The following SLC9A2 variants were observed in gnomAD, a reference collection of about 807,000 sequenced individuals.
SLC9A2 encodes solute carrier family 9 member A2.
Under a neutral mutation model 71.7 loss-of-function variants are expected in SLC9A2, and 42 were observed. The observed-to-expected ratio is 0.59, with a 90% CI of 0.46 to 0.76. The LOEUF is 0.76. Ranked by LOEUF, SLC9A2 falls within the 30% of genes least tolerant of loss-of-function variation. SLC9A2 has a pLI of 0.00. For synonymous variants in SLC9A2, 396 were observed against 392.5 expected, an observed-to-expected ratio of 1.01 and a Z score of -0.10; for missense variants, 829 against 1,017.4, an observed-to-expected ratio of 0.81 and a Z score of 2.52.
chr2:102,662,425 C>G (rs761550091), intron 2 of SLC9A2, among the ~76,000 whole-genome samples: 2 of 152,106 alleles, frequency 1.3e-5, no homozygotes, highest in Non-Finnish European at 2.9e-5. Context: ...CAGCTCTGTG[C>G]TAAAGGAATT....
intron 1 of SLC9A2, among the ~76,000 whole-genome samples, chr2:102,621,352 G>GGAAAA (rs1553422435): frequency 9.1e-6 from 1 of 109,536 alleles, no homozygotes; most frequent in African/African-American, 3.5e-5. Context: ...TTGTCTCAGG[G>GGAAAA]AAAAAAAAAA....
At chr2:102,648,558 C>G (rs1412716149) in intron 1 of SLC9A2, among the ~76,000 whole-genome samples, 1 of 152,196 alleles carries the variant, frequency 6.6e-6, no homozygotes, top group East Asian at 1.9e-4. Context: ...CAAATTGTCT[C>G]TGTTTGCAGA....
chr2:102,671,420 C>T (rs1169166157), intron 3 of SLC9A2, among the ~76,000 whole-genome samples: 1 of 152,022 alleles, frequency 6.6e-6, no homozygotes, highest in Admixed American at 6.6e-5. Flanking sequence ...AAAAACAAAG[C>T]ATATACCCCT....
At chr2:102,695,659 C>A (rs1364573153) in intron 7 of SLC9A2, among the ~76,000 whole-genome samples, 2 of 150,416 alleles carry the variant, frequency 1.3e-5, no homozygotes, top group East Asian at 3.9e-4. Context: ...AAAACTAGGG[C>A]TTCCATTACT....
In SLC9A2 at chr2:102,666,269, C is replaced by A. The variant is rs958881151; in HGVS notation, c.1004+919C>A. Among the ~76,000 whole-genome samples the A allele has an allele frequency of 1.8e-3, 261 of 147,412 alleles. 2 individuals carry two copies. Among genetic ancestry groups the A allele is most frequent in the African/African-American group, 6.4e-3 (255 of 39,902 alleles). ...TGAGTGCAGCGGCGTGATCTCGGCT[C>A]ACTGCAAGCTCCGCCTCCCGGGTTC... On this transcript the variant is annotated intron_variant, in intron 3 of 11. Coordinates refer to ENST00000233969, the MANE Select transcript of SLC9A2 (RefSeq NM_003048.6).
chr2:102,619,676 A>C lies in SLC9A2; in HGVS notation c.-173A>C. ...CTCGCCAGGCAGTGCGCCTGCTCGC[A>C]GCGAGGACCTAGCCCTCTGGTTGCA... On this transcript the variant is annotated 5_prime_UTR_variant, in exon 1 of 12. Coordinates refer to ENST00000233969, the MANE Select transcript of SLC9A2 (RefSeq NM_003048.6). This position sits in a 1 kb window ranked among gnomAD's most constrained non-coding sequence, Gnocchi z 4.3. The C allele has an allele frequency of 4.0e-6, 2 of 503,510 alleles. No homozygotes were observed. Among genetic ancestry groups the C allele is most frequent in the Non-Finnish European group, 6.6e-6 (2 of 302,076 alleles). 31.2% of individuals were successfully genotyped at this position (503,510 alleles called of 1,614,324 possible). A position where few individuals can be genotyped will look rare whatever the true frequency, so the allele number is the denominator to read the frequency against.
chr2:102,642,946 G>T (rs565987551), intron 1 of SLC9A2, among the ~76,000 whole-genome samples: 3 of 152,328 alleles, frequency 2.0e-5, no homozygotes, highest in African/African-American at 7.2e-5. Context: ...GGTTGTTGCA[G>T]TTGGTGTTTT....
At chr2:102,669,941 C>G (rs1335608860) in intron 3 of SLC9A2, among the ~76,000 whole-genome samples, 4 of 152,158 alleles carry the variant, frequency 2.6e-5, no homozygotes, top group African/African-American at 9.7e-5. Flanking sequence ...GAAGGGCGTA[C>G]TTGGCCTCCA....
chr2:102,663,094 C>T (rs149738091), intron 2 of SLC9A2, among the ~76,000 whole-genome samples: 46 of 152,236 alleles, frequency 3.0e-4, no homozygotes, highest in East Asian at 1.5e-3. Context: ...GTAACTGTGG[C>T]GTGTTGATGC....
chr2:102,710,715 C>A lies in SLC9A2; in HGVS notation c.*2226C>A, dbSNP rs1678091525. 6.6e-6 allele frequency: 1 copy of A among 152,210 alleles called. No homozygotes were observed. The highest frequency in any genetic ancestry group is 2.4e-5 in the African/African-American group (1 of 41,412). The allele number at this position is 152,210 out of a possible 1,614,324, so 9.4% of individuals were successfully genotyped here. ...TAATTCTTAAATTCTAGTCACTAGT[C>A]ATTATGAGAGTATTGACTAAATATT... On this transcript the variant is annotated 3_prime_UTR_variant, in exon 12 of 12. Coordinates refer to ENST00000233969, the MANE Select transcript of SLC9A2 (RefSeq NM_003048.6).
intron 1 of SLC9A2, among the ~76,000 whole-genome samples, chr2:102,620,571 C>T (rs902564585): frequency 1.3e-5 from 2 of 152,084 alleles, no homozygotes; most frequent in Non-Finnish European, 2.9e-5. Flanking sequence ...TGACACAGAC[C>T]CTGCTGTGCG....
intron 5 of SLC9A2, among the ~76,000 whole-genome samples, chr2:102,692,345 G>T (rs766643144): frequency 6.6e-6 from 1 of 152,210 alleles, no homozygotes; most frequent in African/African-American, 2.4e-5. Context: ...GGATGTGTAT[G>T]TGTGTCTCAG....
chr2:102,665,773 T>TCTAAA (rs772052495), intron 3 of SLC9A2, among the ~76,000 whole-genome samples: 1 of 38,770 alleles, frequency 2.6e-5, no homozygotes, highest in Non-Finnish European at 5.0e-5. Context: ...GACTCTGTCT[T>TCTAAA]AAAAAAAAAA....
intron 10 of SLC9A2, among the ~76,000 whole-genome samples, chr2:102,705,418 G>A (rs905832910): frequency 6.6e-6 from 1 of 151,636 alleles, no homozygotes; most frequent in African/African-American, 2.4e-5. Context: ...TAAATTAGCT[G>A]TAGTAATACT....
intron 5 of SLC9A2, among the ~76,000 whole-genome samples, chr2:102,691,347 G>A (rs1485571575): frequency 1.3e-5 from 2 of 152,064 alleles, no homozygotes; most frequent in African/African-American, 2.4e-5. Context: ...AAGCCTTATC[G>A]GGTTACTCCC....
chr2:102,700,502 A>G (rs925388971), intron 7 of SLC9A2, among the ~76,000 whole-genome samples: 3 of 152,202 alleles, frequency 2.0e-5, no homozygotes, highest in Non-Finnish European at 2.9e-5. Context: ...ACAATAGTTT[A>G]CACAAGTGAG....
At chr2:102,707,682 G>C (rs1678008223) in intron 11 of SLC9A2, among the ~76,000 whole-genome samples, 1 of 152,200 alleles carries the variant, frequency 6.6e-6, no homozygotes, top group Non-Finnish European at 1.5e-5. Flanking sequence ...ACTGCCTACT[G>C]TGTGCCAGAT....
chr2:102,629,091 C>A (rs1676308912), intron 1 of SLC9A2, among the ~76,000 whole-genome samples: 1 of 152,082 alleles, frequency 6.6e-6, no homozygotes, highest in African/African-American at 2.4e-5. Flanking sequence ...GTGTTAAAAT[C>A]TTCAATAGCA....
intron 1 of SLC9A2, among the ~76,000 whole-genome samples, chr2:102,646,324 A>T (rs1233087668): frequency 6.6e-6 from 1 of 152,186 alleles, no homozygotes; most frequent in Non-Finnish European, 1.5e-5. Context: ...GAAAGGAAAA[A>T]CCAGTACAGG....
Sources: gnomAD v4.1 joint callset for allele counts (sites outside exome capture counted in the v4.1 genomes callset) on GRCh38, gnomAD v4.1.1 for gene constraint, Gnocchi (gnomAD v3.1) non-coding constraint, MANE v1.5 for transcripts, NCBI Gene and HGNC (gene_info 2026-07-23, HGNC 2026-07-21) for gene names.